MAL: variants seen among roughly 807,000 people sequenced by gnomAD.
MAL encodes myelin and lymphocyte protein.
Under a neutral mutation model 16.7 loss-of-function variants are expected in MAL, and 5 were observed. The observed-to-expected ratio is 0.30, with a 90% CI of 0.16 to 0.63. The LOEUF is 0.63. Ranked by LOEUF, MAL falls within the 30% of genes least tolerant of loss-of-function variation. The pLI is 0.82. For missense variants in MAL, 202 were observed against 195.8 expected, an observed-to-expected ratio of 1.03 and a Z score of -0.19; for synonymous variants, 96 against 85.5, an observed-to-expected ratio of 1.12 and a Z score of -0.67.
Position 95,025,770 on chromosome 2 carries a change from A to G in MAL, c.-23A>G. On this transcript the variant is annotated 5_prime_UTR_variant, in exon 1 of 4. Coordinates refer to ENST00000309988, the MANE Select transcript of MAL (RefSeq NM_002371.4). This position sits in a 1 kb window ranked among gnomAD's most constrained non-coding sequence, Gnocchi z 5.6. ...GTCTGAGCGGCGCTCGTCCCGTCCC[A>G]AGGCCGACGCCAGCACGCCGTCATG... is the stretch of plus-strand genomic sequence containing the variant. 6.6e-7 allele frequency: 1 copy of G among 1,512,284 alleles called. No individual in the cohort carries two copies. The allele number at this position is 1,512,284 out of a possible 1,614,324, so 93.7% of individuals were successfully genotyped here.
intron 1 of MAL, among the ~76,000 whole-genome samples, chr2:95,046,096 C>G (rs1674579539): frequency 6.6e-6 from 1 of 152,118 alleles, no homozygotes; most frequent in African/African-American, 2.4e-5. Flanking sequence ...ATTTTTCTAC[C>G]CAAATGCAAT....
At chr2:95,039,226 GA>G (rs1674369285) in intron 1 of MAL, among the ~76,000 whole-genome samples, 2 of 151,576 alleles carry the variant, frequency 1.3e-5, no homozygotes, top group South Asian at 2.1e-4. Context: ...GTGAGTGAGT[GA>G]GTGACTGAGT....
chr2:95,041,828 A>G (rs1292550943), intron 1 of MAL, among the ~76,000 whole-genome samples: 1 of 151,998 alleles, frequency 6.6e-6, no homozygotes, highest in East Asian at 1.9e-4. Flanking sequence ...TTTTTTTCAC[A>G]AACATCATTT....
intron 1 of MAL, among the ~76,000 whole-genome samples, chr2:95,043,768 C>A (rs748024363): frequency 1.3e-4 from 20 of 152,214 alleles, no homozygotes; most frequent in Non-Finnish European, 2.9e-5. Context: ...CCCTGTCCCC[C>A]AGATGGCCCC....
chr2:95,030,253 C>T (rs1310770219), intron 1 of MAL, among the ~76,000 whole-genome samples: 1 of 152,196 alleles, frequency 6.6e-6, no homozygotes, highest in African/African-American at 2.4e-5. Flanking sequence ...TTTCCAAATA[C>T]CTCCAGAGCC....
chr2:95,040,514 T>C (rs1674435981), intron 1 of MAL, among the ~76,000 whole-genome samples: 1 of 152,240 alleles, frequency 6.6e-6, no homozygotes, highest in South Asian at 2.1e-4. Flanking sequence ...CAAAGCCTGC[T>C]GAGCCTCTCC....
chr2:95,038,128 G>A (rs1674297375), intron 1 of MAL, among the ~76,000 whole-genome samples: 1 of 150,986 alleles, frequency 6.6e-6, no homozygotes, highest in African/African-American at 2.4e-5. Context: ...GACCGAGTGG[G>A]TGAGTGACTT....
chr2:95,042,833 G>C (rs1219433926), intron 1 of MAL, among the ~76,000 whole-genome samples: 2 of 152,190 alleles, frequency 1.3e-5, no homozygotes, highest in Non-Finnish European at 2.9e-5. Context: ...GGCCAGCGGG[G>C]TCCTGAGGCC....
rs550969090 is a variant in MAL at position 95,033,010 on chromosome 2, G to A, written c.93+7125G>A. Among the ~76,000 whole-genome samples the A allele has an allele frequency of 1.2e-3, 186 of 152,354 alleles. 4 individuals are homozygous for A. Among genetic ancestry groups the A allele is most frequent in the Admixed American group, 9.6e-3 (147 of 15,310 alleles). ...CAGCGGGAAGAGAAGGTGCAGGGTC[G>A]CACAGCCAGCCTCACTGACCTGCAG... On this transcript the variant is annotated intron_variant, in intron 1 of 3. Coordinates refer to ENST00000309988, the MANE Select transcript of MAL (RefSeq NM_002371.4).
At position 95,025,710 on chromosome 2, in the gene MAL, TG is replaced by T; in HGVS notation, c.-80del. The stretch of plus-strand genomic sequence containing the variant: ...CCGCGCGCGGGGGCGCCCAGGCCAC[TG>T]GGCTCCGCGGAGCCAGCGAGAGGTC... On this transcript the variant is annotated 5_prime_UTR_variant, in exon 1 of 4. Transcript: ENST00000309988. This position sits in a 1 kb window ranked among gnomAD's most constrained non-coding sequence, Gnocchi z 5.6. 1 of 951,348 alleles carries T rather than the reference TG, an allele frequency of 1.1e-6. No homozygotes were observed. Among genetic ancestry groups the T allele is most frequent in the Non-Finnish European group, 1.5e-6 (1 of 678,992 alleles). The allele number at this position is 951,348 out of a possible 1,614,324, so 58.9% of individuals were successfully genotyped here.
chr2:95,042,004 A>G (rs1246260102), intron 1 of MAL, among the ~76,000 whole-genome samples: 2 of 152,050 alleles, frequency 1.3e-5, no homozygotes, highest in Non-Finnish European at 2.9e-5. Flanking sequence ...GGGCCTCCAA[A>G]CGCCCATGCA....
intron 1 of MAL, among the ~76,000 whole-genome samples, chr2:95,046,852 G>GGAGAGA (rs965038090): frequency 3.6e-5 from 5 of 137,298 alleles, no homozygotes; most frequent in African/African-American, 1.4e-4. Flanking sequence ...AAAGAGAAAG[G>GGAGAGA]GAGAGAGAGA....
At chr2:95,043,511 A>G (rs758552837) in intron 1 of MAL, among the ~76,000 whole-genome samples, 3 of 152,176 alleles carry the variant, frequency 2.0e-5, no homozygotes, top group Non-Finnish European at 4.4e-5. Context: ...ACTTCGGAGG[A>G]CAGCTCCTCT....
chr2:95,036,609 G>A (rs1674212583), intron 1 of MAL, among the ~76,000 whole-genome samples: 1 of 152,244 alleles, frequency 6.6e-6, no homozygotes, highest in Admixed American at 6.5e-5. Flanking sequence ...AAATGCGTGA[G>A]TGAATGAATG....
intron 3 of MAL, chr2:95,053,085 T>C (rs1192863059): frequency 3.0e-6 from 1 of 337,174 alleles, no homozygotes; most frequent in African/African-American, 2.1e-5. Context: ...GAGGACTCCA[T>C]CTCAAGTCAG....
intron 1 of MAL, among the ~76,000 whole-genome samples, chr2:95,038,195 A>C (rs1674300269): frequency 7.2e-6 from 1 of 139,182 alleles, no homozygotes; most frequent in Non-Finnish European, 1.5e-5. Flanking sequence ...TGAGTTACTG[A>C]GTGAGTGAGT....
chr2:95,032,748 A>C (rs1192140248), intron 1 of MAL, among the ~76,000 whole-genome samples: 1 of 152,152 alleles, frequency 6.6e-6, no homozygotes, highest in Non-Finnish European at 1.5e-5. Context: ...TTTGATACCC[A>C]GTGAGCTCCT....
intron 1 of MAL, among the ~76,000 whole-genome samples, chr2:95,045,153 A>C (rs1674557532): frequency 6.6e-6 from 1 of 152,224 alleles, no homozygotes; most frequent in Non-Finnish European, 1.5e-5. Context: ...CTCCACCCTG[A>C]GCCCTTCTTG....
At chr2:95,028,164 A>C (rs1369770249) in intron 1 of MAL, among the ~76,000 whole-genome samples, 3 of 149,548 alleles carry the variant, frequency 2.0e-5, no homozygotes, top group Non-Finnish European at 3.0e-5. Context: ...AAAAAAAAAA[A>C]AAAAAAAAAA....
Sources: gnomAD v4.1 joint callset for allele counts (sites outside exome capture counted in the v4.1 genomes callset) on GRCh38, gnomAD v4.1.1 for gene constraint, Gnocchi (gnomAD v3.1) non-coding constraint, MANE v1.5 for transcripts, NCBI Gene and HGNC (gene_info 2026-07-23, HGNC 2026-07-21) for gene names.